CIMAP1B: variants seen among roughly 807,000 people sequenced by gnomAD.
CIMAP1B encodes the protein orf2 5' to PD-ECGF/TP.
At chr22:50,531,076 C>T in the CIMAP1B span, 1 of 1,604,196 alleles carries the variant, frequency 6.2e-7, no homozygotes, top group Non-Finnish European at 8.5e-7. Flanking sequence ...GGAGGCAGGG[C>T]TCGGGGGTAG....
chr22:50,532,275 G>A, the CIMAP1B span: 88 of 740,460 alleles, frequency 1.2e-4, no homozygotes, highest in African/African-American at 1.3e-3. Context: ...GGAGCTTGGG[G>A]CCGGGAGCGG....
the CIMAP1B span, chr22:50,532,065 C>T: frequency 7.3e-7 from 1 of 1,361,530 alleles, no homozygotes; most frequent in Non-Finnish European, 9.5e-7. Flanking sequence ...CCCACCCAGG[C>T]GTCCGAGCCC....
chr22:50,532,248 T>C, the CIMAP1B span: 1 of 560,830 alleles, frequency 1.8e-6, no homozygotes. Context: ...AAACGCGAGC[T>C]TCCTTCCCGG....
the CIMAP1B span, chr22:50,531,174 G>T: frequency 6.2e-7 from 1 of 1,606,684 alleles, no homozygotes. Flanking sequence ...TTCTGGGATG[G>T]GCCGTTCTGA....
chr22:50,530,773 C>T, the CIMAP1B span: 10 of 1,608,916 alleles, frequency 6.2e-6, no homozygotes, highest in East Asian at 2.0e-4. Flanking sequence ...GAGCGAAGTC[C>T]GCGCCAGAAT....
the CIMAP1B span, chr22:50,530,582 T>C: frequency 6.4e-7 from 1 of 1,573,262 alleles, no homozygotes; most frequent in South Asian, 1.2e-5. Context: ...GAGACACCGC[T>C]GACCTCGCGG....
At chr22:50,531,678 C>T in the CIMAP1B span, 24 of 1,369,260 alleles carry the variant, frequency 1.8e-5, no homozygotes, top group Non-Finnish European at 2.2e-5. Context: ...ACCAGGTGGC[C>T]TGGCCCGGGG....
At chr22:50,530,735 G>A in the CIMAP1B span, 1 of 1,611,876 alleles carries the variant, frequency 6.2e-7, no homozygotes, top group Non-Finnish European at 8.5e-7. Flanking sequence ...TAGGCCGCGG[G>A]CCCTGGCTTC....
At chr22:50,530,897 G>A in the CIMAP1B span, 4 of 1,608,482 alleles carry the variant, frequency 2.5e-6, no homozygotes, top group East Asian at 8.9e-5. Context: ...CACTGCCGCG[G>A]ACCAGGGACC....
chr22:50,530,757 T>G, the CIMAP1B span: 1 of 1,609,732 alleles, frequency 6.2e-7, no homozygotes, highest in Non-Finnish European at 8.5e-7. Flanking sequence ...GAGTGTTGTC[T>G]TGGGGGAGCG....
the CIMAP1B span, chr22:50,531,751 C>T: frequency 7.3e-7 from 1 of 1,370,708 alleles, no homozygotes; most frequent in Non-Finnish European, 9.4e-7. Flanking sequence ...CGCGCGGCCG[C>T]GACGGGTCAT....
the CIMAP1B span, chr22:50,531,793 C>T: frequency 6.8e-4 from 926 of 1,352,890 alleles, 10 homozygotes; most frequent in South Asian, 5.5e-3. Context: ...TCCGAGTTAG[C>T]GTCTGGCCGG....
the CIMAP1B span, chr22:50,531,942 C>T: frequency 3.8e-6 from 5 of 1,320,518 alleles, no homozygotes; most frequent in Non-Finnish European, 4.9e-6. Context: ...CGTCCCACCC[C>T]TCAATCCCGG....
the CIMAP1B span, chr22:50,532,431 C>T: frequency 2.4e-5 from 5 of 206,190 alleles, no homozygotes; most frequent in East Asian, 1.1e-4. Context: ...AAGGGTGCCC[C>T]GGGAAGGGCC....
At chr22:50,530,884 C>T in the CIMAP1B span, 4 of 1,607,458 alleles carry the variant, frequency 2.5e-6, no homozygotes, top group African/African-American at 1.3e-5. Context: ...TGGCTGCCGC[C>T]TCCACTGCCG....
the CIMAP1B span, chr22:50,531,356 A>G: frequency 2.9e-6 from 4 of 1,358,838 alleles, no homozygotes; most frequent in Non-Finnish European, 4.1e-6. Flanking sequence ...TGGGTACCCG[A>G]GATGGGGTCC....
At chr22:50,531,140 G>T in the CIMAP1B span, 1 of 1,589,502 alleles carries the variant, frequency 6.3e-7, no homozygotes, top group East Asian at 2.2e-5. Flanking sequence ...GGCGGTCCCC[G>T]GTCTCGAGTG....
the CIMAP1B span, chr22:50,532,459 G>T: frequency 5.4e-6 from 1 of 185,712 alleles, no homozygotes; most frequent in Non-Finnish European, 1.1e-5. Flanking sequence ...GGGACCCGGT[G>T]CCCCGAGGTG....
chr22:50,532,010 T>C, the CIMAP1B span: 11 of 1,359,308 alleles, frequency 8.1e-6, no homozygotes, highest in Admixed American at 3.7e-5. Context: ...GGGGCCTCCG[T>C]AGTGCGCCGC....
Sources: gnomAD v4.1 joint callset for allele counts on GRCh38, gnomAD v4.1.1 for gene constraint, MANE v1.5 for transcripts, NCBI Gene and HGNC (gene_info 2026-07-23, HGNC 2026-07-21) for gene names.